COL5A2: variants seen among roughly 807,000 people sequenced by gnomAD.
COL5A2 encodes the protein collagen type V alpha 2 chain, also known as collagen alpha-2(V) chain.
A neutral mutation model predicts 208.2 loss-of-function variants in COL5A2; 23 were observed. The observed-to-expected ratio is 0.11, with a 90% CI of 0.08 to 0.16. The LOEUF (loss-of-function observed/expected upper bound fraction) is 0.16, where lower values mean the gene tolerates loss of function less well. Among genes scored for constraint, COL5A2 ranks in the 10% least tolerant of loss-of-function variants. The pLI, the probability that COL5A2 is intolerant of heterozygous loss-of-function variation, is 1.00. For synonymous variants in COL5A2, 625 were observed against 628.5 expected, an observed-to-expected ratio of 0.99 and a Z score of 0.08; for missense variants, 1,590 against 1,956.4, an observed-to-expected ratio of 0.81 and a Z score of 3.53.
intron 18 of COL5A2, among the ~76,000 whole-genome samples, chr2:189,069,733 A>G (rs1457920226): frequency 6.6e-6 from 1 of 152,228 alleles, no homozygotes; most frequent in Non-Finnish European, 1.5e-5. Context: ...CCATCATTAC[A>G]GAACAATAAA....
chr2:189,384,033 T>TTTTTTTAACATAATGCTTTCCATTATG, the COL5A2 span, among the ~76,000 whole-genome samples: 1 of 152,020 alleles, frequency 6.6e-6, no homozygotes, highest in African/African-American at 2.4e-5. Context: ...CCTGGCTTAT[T>TTTTTTTAACATAATGCTTTCCATTATG]TTTTTTAACA....
At chr2:189,377,579 G>A in the COL5A2 span, among the ~76,000 whole-genome samples, 15 of 152,264 alleles carry the variant, frequency 9.9e-5, no homozygotes, top group African/African-American at 3.6e-4. Flanking sequence ...CTAACCTAAA[G>A]TAAATTTGAG....
intron 17 of COL5A2, among the ~76,000 whole-genome samples, chr2:189,072,607 A>G (rs1398262187): frequency 6.6e-6 from 1 of 152,048 alleles, no homozygotes; most frequent in Non-Finnish European, 1.5e-5. Flanking sequence ...CCCAGTCTCT[A>G]CTAAAAATAC....
the COL5A2 span, among the ~76,000 whole-genome samples, chr2:189,393,327 AACT>A: frequency 6.6e-6 from 1 of 152,256 alleles, no homozygotes; most frequent in South Asian, 2.1e-4. Flanking sequence ...GAAAACTAAT[AACT>A]AAATTGGATT....
At chr2:189,287,633 G>C in the COL5A2 span, among the ~76,000 whole-genome samples, 2 of 152,146 alleles carry the variant, frequency 1.3e-5, no homozygotes, top group African/African-American at 4.8e-5. Context: ...ATTAGTAGTA[G>C]TATAAAGGAT....
intron 24 of COL5A2, 59 bp from the exon 25 acceptor site, chr2:189,064,714 A>C (rs1220494566): frequency 1.6e-5 from 19 of 1,198,722 alleles, no homozygotes; most frequent in Non-Finnish European, 2.4e-5. Context: ...AAAAGCAAGC[A>C]GAAGTAAAAT....
chr2:189,168,506 C>G (rs545196981), intron 1 of COL5A2, among the ~76,000 whole-genome samples: 1 of 151,996 alleles, frequency 6.6e-6, no homozygotes, highest in African/African-American at 2.4e-5. Flanking sequence ...TAAACTGTAA[C>G]TTTCCATTTA....
chr2:189,117,195 A>G (rs1029829978), intron 1 of COL5A2, among the ~76,000 whole-genome samples: 2 of 152,188 alleles, frequency 1.3e-5, no homozygotes, highest in Non-Finnish European at 1.5e-5. Context: ...CATACTGCAC[A>G]TGCAATGCTC....
intron 1 of COL5A2, among the ~76,000 whole-genome samples, chr2:189,129,951 T>C (rs1687679523): frequency 6.6e-6 from 1 of 152,044 alleles, no homozygotes; most frequent in African/African-American, 2.4e-5. Flanking sequence ...AAATTAATAG[T>C]TAGCTAAAAA....
the COL5A2 span, among the ~76,000 whole-genome samples, chr2:189,324,866 A>G: frequency 6.6e-6 from 1 of 152,224 alleles, no homozygotes; most frequent in Admixed American, 6.5e-5. Context: ...ACACAAGCAC[A>G]CATATGTCTA....
At position 189,045,906 on chromosome 2, in the gene COL5A2, C is replaced by A; in HGVS notation, c.3203G>T (p.Gly1068Val). Residue 1068 changes from glycine to valine, a missense_variant and splice_region_variant, in exon 46 of 54, where the codon GGT (glycine) becomes GTT (valine). By Grantham distance (109) the Gly-to-Val change is moderately radical. Coordinates refer to ENST00000374866, the MANE Select transcript of COL5A2 (RefSeq NM_000393.5). The stretch of plus-strand genomic sequence containing the variant: ...TGCAGGCCCAGGGTCTCCACGATCA[C>A]CCTAACAAGAATAACCATGATATTA... ...PGRDGAVGER[G>V]DRGDPGPAGL... 6.2e-7 allele frequency: 1 copy of A among 1,613,086 alleles called. No homozygotes were observed. The highest frequency in any genetic ancestry group is 8.5e-7 in the Non-Finnish European group (1 of 1,179,084).
intron 23 of COL5A2, among the ~76,000 whole-genome samples, chr2:189,065,852 TG>T (rs1312830329): frequency 6.6e-6 from 1 of 152,222 alleles, no homozygotes; most frequent in Non-Finnish European, 1.5e-5. Flanking sequence ...CTGCTAAGAA[TG>T]TTCTTCCTTC....
chr2:189,258,054 C>T, the COL5A2 span, among the ~76,000 whole-genome samples: 1 of 152,096 alleles, frequency 6.6e-6, no homozygotes, highest in Non-Finnish European at 1.5e-5. Flanking sequence ...GCAGAGCTTG[C>T]AGTGAGCCGA....
chr2:189,317,983 C>A, the COL5A2 span, among the ~76,000 whole-genome samples: 1 of 152,098 alleles, frequency 6.6e-6, no homozygotes, highest in African/African-American at 2.4e-5. Context: ...ACAAAATTTT[C>A]CTCTTTAGCA....
intron 3 of COL5A2, among the ~76,000 whole-genome samples, chr2:189,103,394 T>C (rs971814291): frequency 6.6e-6 from 1 of 152,032 alleles, no homozygotes; most frequent in Non-Finnish European, 1.5e-5. Flanking sequence ...ATGTGTAGCA[T>C]TGCTTTATCT....
At chr2:189,286,968 G>T in the COL5A2 span, among the ~76,000 whole-genome samples, 1 of 151,844 alleles carries the variant, frequency 6.6e-6, no homozygotes, top group African/African-American at 2.4e-5. Flanking sequence ...CATCTACTTT[G>T]TGGATGTTAA....
the COL5A2 span, among the ~76,000 whole-genome samples, chr2:189,258,678 G>C: frequency 6.6e-6 from 1 of 152,182 alleles, no homozygotes; most frequent in Non-Finnish European, 1.5e-5. Context: ...TGTAATGTTA[G>C]AAGAGTTCTT....
upstream of COL5A2, among the ~76,000 whole-genome samples, chr2:189,227,475 T>C (rs1233385073): frequency 6.6e-6 from 1 of 152,090 alleles, no homozygotes; most frequent in Non-Finnish European, 1.5e-5. Context: ...GTGCCATCTA[T>C]AAGAGACTCA....
chr2:189,135,226 C>T (rs566808160), intron 1 of COL5A2, among the ~76,000 whole-genome samples: 1 of 152,188 alleles, frequency 6.6e-6, no homozygotes, highest in Non-Finnish European at 1.5e-5. Flanking sequence ...ACAGAACCTA[C>T]CACAGATGCT....
Sources: gnomAD v4.1 joint callset for allele counts (sites outside exome capture counted in the v4.1 genomes callset) on GRCh38, gnomAD v4.1.1 for gene constraint, MANE v1.5 for transcripts, NCBI Gene and HGNC (gene_info 2026-07-23, HGNC 2026-07-21) for gene names.